KANK1: variants seen among roughly 807,000 people sequenced by gnomAD.
KANK1 encodes KN motif and ankyrin repeat domains 1, also known as KN motif and ankyrin repeat domain-containing protein 1.
A neutral mutation model predicts 106.2 loss-of-function variants in KANK1; 109 were observed. The ratio of observed to expected loss-of-function variants is 1.03; its 90% CI spans 0.88 to 1.20. The LOEUF is 1.20. KANK1 is among the 50% of genes most tolerant of loss of function. The probability of loss-of-function intolerance (pLI) is 0.00; values close to 1 mark genes in which losing one functional copy is unlikely to be tolerated. For missense variants in KANK1, 2,399 were observed against 1,710.7 expected (o/e 1.40, Z -7.10); for synonymous variants, 873 against 652.2 (o/e 1.34, Z -5.16).
At chr9:673,745 A>T (rs534529332) in intron 1 of KANK1, 1 of 152,024 alleles carries the variant, frequency 6.6e-6, no homozygotes, top group South Asian at 2.1e-4. Context: ...ACCTTGACAC[A>T]TACTTCATTC....
intron 1 of KANK1, among the ~76,000 whole-genome samples, chr9:513,134 C>G (rs1264976986): frequency 6.6e-6 from 1 of 152,208 alleles, no homozygotes; most frequent in Non-Finnish European, 1.5e-5. Flanking sequence ...CTTTGTGAGC[C>G]TAGCAGGTGG....
chr9:521,894 A>G (rs1022362408), intron 1 of KANK1, among the ~76,000 whole-genome samples: 11 of 151,594 alleles, frequency 7.3e-5, no homozygotes, highest in African/African-American at 2.7e-4. Flanking sequence ...ATGAACGTCT[A>G]CTATGTCTTC....
At chr9:475,139 G>A (rs2058081986) in intron 3 of KANK1, among the ~76,000 whole-genome samples, 1 of 152,208 alleles carries the variant, frequency 6.6e-6, no homozygotes, top group Admixed American at 6.5e-5. Flanking sequence ...CTCAGGAATT[G>A]GGCAGGTGGG....
chr9:549,101 C>T (rs573774923), intron 1 of KANK1: 6 of 151,162 alleles, frequency 4.0e-5, no homozygotes, highest in African/African-American at 1.5e-4. Flanking sequence ...TCTACTTCTT[C>T]CACAGAAAAA....
At chr9:472,680 G>A (rs546628808) in intron 2 of KANK1, among the ~76,000 whole-genome samples, 1 of 152,298 alleles carries the variant, frequency 6.6e-6, no homozygotes, top group East Asian at 1.9e-4. Flanking sequence ...CCAGCTGCAA[G>A]GACTGGTTAC....
intron 1 of KANK1, among the ~76,000 whole-genome samples, chr9:513,501 A>G (rs2059124029): frequency 6.6e-6 from 1 of 152,210 alleles, no homozygotes; most frequent in African/African-American, 2.4e-5. Context: ...CACATAACTA[A>G]TCCCTTTTTA....
chr9:654,321 A>T (rs1455986809), intron 1 of KANK1, among the ~76,000 whole-genome samples: 1 of 152,154 alleles, frequency 6.6e-6, no homozygotes, highest in Non-Finnish European at 1.5e-5. Context: ...GTGTTTTCCA[A>T]ATTTTGCTGA....
chr9:674,098 C>T (rs1815861335), intron 1 of KANK1: 2 of 152,066 alleles, frequency 1.3e-5, no homozygotes, highest in East Asian at 1.9e-4. Flanking sequence ...TCCCTAATGC[C>T]TGCCTTTTGA....
chr9:543,433 C>T (rs1416426615), intron 1 of KANK1, among the ~76,000 whole-genome samples: 1 of 151,846 alleles, frequency 6.6e-6, no homozygotes, highest in Non-Finnish European at 1.5e-5. Context: ...GTAACGGGCG[C>T]TTGTTATCCC....
chr9:738,234 C>T (rs536568837), intron 7 of KANK1, 51 bp from the exon 8 acceptor site: 3 of 1,466,956 alleles, frequency 2.0e-6, no homozygotes. Context: ...TCAACTAGGT[C>T]TCAGAAAGTC....
chr9:534,018 C>T (rs1264347846), intron 1 of KANK1, among the ~76,000 whole-genome samples: 3 of 152,150 alleles, frequency 2.0e-5, no homozygotes, highest in African/African-American at 2.4e-5. Flanking sequence ...TGTCATTCTG[C>T]ATTTTTATTC....
chr9:509,104 T>C (rs951269549), intron 1 of KANK1, among the ~76,000 whole-genome samples: 10 of 152,168 alleles, frequency 6.6e-5, no homozygotes, highest in African/African-American at 1.9e-4. Flanking sequence ...GACCTATTTA[T>C]TATTTTTTTT....
At chr9:540,144 C>T (rs1032788068) in intron 1 of KANK1, among the ~76,000 whole-genome samples, 1 of 152,148 alleles carries the variant, frequency 6.6e-6, no homozygotes, top group African/African-American at 2.4e-5. Context: ...AGCTTTTTAC[C>T]ACTGAGTATG....
At chr9:677,869 A>C (rs1292120482) in intron 2 of KANK1, among the ~76,000 whole-genome samples, 1 of 152,212 alleles carries the variant, frequency 6.6e-6, no homozygotes, top group Non-Finnish European at 1.5e-5. Context: ...TAGTTCCAGC[A>C]CTAACCGTGA....
chr9:579,474 C>T (rs10975252), intron 1 of KANK1, among the ~76,000 whole-genome samples: 1 of 152,304 alleles, frequency 6.6e-6, no homozygotes, highest in East Asian at 1.9e-4. Flanking sequence ...GCTCCATCCT[C>T]ACCTTTCTGC....
At chr9:724,295 G>A (rs1256404794) in intron 3 of KANK1, among the ~76,000 whole-genome samples, 1 of 152,176 alleles carries the variant, frequency 6.6e-6, no homozygotes, top group African/African-American at 2.4e-5. Flanking sequence ...TCCAGTGTGA[G>A]TGGGCAGAGG....
rs547315243 is a variant in KANK1, at chr9:719,814, G to A, written c.2698+6350G>A. 2.0e-5 allele frequency among the ~76,000 whole-genome samples: 3 copies of A among 151,764 alleles called. No homozygotes were observed. The South Asian group carries it at 6.2e-4, about 32-fold the overall frequency. On this transcript the variant is annotated intron_variant, in intron 3 of 11. Coordinates refer to ENST00000382297, the MANE Select transcript of KANK1 (RefSeq NM_015158.5). ...AGACTAGAGTGCAGTGGCATGATCC[G>A]GGCTCACGCCACTGCAGCCCCCAAC...
At chr9:562,296 C>T (rs1816703906) in intron 1 of KANK1, among the ~76,000 whole-genome samples, 1 of 151,906 alleles carries the variant, frequency 6.6e-6, no homozygotes, top group African/African-American at 2.4e-5. Flanking sequence ...TCATGATCCA[C>T]CCGCCTCGGC....
chr9:531,473 C>T (rs1480715384), intron 1 of KANK1, among the ~76,000 whole-genome samples: 1 of 152,072 alleles, frequency 6.6e-6, no homozygotes, highest in African/African-American at 2.4e-5. Context: ...GGATCAAGAT[C>T]GGCTTACAAA....
Sources: allele counts gnomAD v4.1 joint callset (sites outside exome capture counted in the v4.1 genomes callset), GRCh38; gene constraint gnomAD v4.1.1; transcripts MANE v1.5; gene names NCBI Gene and HGNC (gene_info 2026-07-23, HGNC 2026-07-21).